The following VRK1 variants were observed in gnomAD, a reference collection of about 807,000 sequenced individuals.
VRK1 encodes the protein serine/threonine-protein kinase VRK1.
A neutral mutation model predicts 57.1 loss-of-function variants in VRK1; 33 were observed. The ratio of observed to expected loss-of-function variants is 0.58; its 90% confidence interval spans 0.44 to 0.77. The LOEUF is 0.77. Ranked by LOEUF, VRK1 falls within the 30% of genes least tolerant of loss-of-function variation. The pLI is 0.00. For missense variants in VRK1, 413 were observed against 477.3 expected (o/e 0.87, Z 1.25); for synonymous variants, 137 against 147.8 (o/e 0.93, Z 0.53).
chr14:96,824,468 T>C (rs1323099056), intron 1 of VRK1, among the ~76,000 whole-genome samples: 1 of 152,088 alleles, frequency 6.6e-6, no homozygotes, highest in Admixed American at 6.6e-5. Context: ...TTTCATAGCA[T>C]GGAAGTCACT....
chr14:96,821,969 CT>C (rs71103554), intron 1 of VRK1, among the ~76,000 whole-genome samples: 6,902 of 142,816 alleles, frequency 0.048, 460 homozygotes, highest in African/African-American at 0.15. Context: ...GATTCTCTCA[CT>C]TTTTTTTTTT....
intron 1 of VRK1, among the ~76,000 whole-genome samples, chr14:96,806,241 A>T (rs1219069178): frequency 1.3e-5 from 2 of 152,232 alleles, no homozygotes; most frequent in East Asian, 3.9e-4. Context: ...TTTCACGCCT[A>T]TGGATAAAAG....
chr14:96,818,361 T>A (rs1292996874), intron 1 of VRK1, among the ~76,000 whole-genome samples: 1 of 152,220 alleles, frequency 6.6e-6, no homozygotes, highest in Non-Finnish European at 1.5e-5. Context: ...ACTTTTCTAA[T>A]ACAAGTAAAA....
At position 96,846,157 on chromosome 14, in the gene VRK1, A is replaced by T. The variant is rs765294511; in HGVS notation, c.279A>T (p.Pro93=). 1.9e-6 allele frequency: 3 copies of T among 1,613,270 alleles called. No individual in the cohort carries two copies. The highest frequency in any genetic ancestry group is 1.7e-6 in the Non-Finnish European group (2 of 1,179,510). Residue 93 remains proline (P), a synonymous_variant, in exon 4 of 13, where the codon CCA becomes CCT. Coordinates refer to ENST00000216639, the MANE Select transcript of VRK1 (RefSeq NM_003384.3). ...ELKFYQRAAK[P]EQIQKWIRTR... ...AGTTCTACCAACGAGCTGCAAAACCAGAGCAAAGTAAGAAATACAGTACAC... is the reference window on the plus strand; with the variant it reads ...AGTTCTACCAACGAGCTGCAAAACCTGAGCAAAGTAAGAAATACAGTACAC...
At chr14:96,829,405 G>C (rs1372648331) in intron 1 of VRK1, among the ~76,000 whole-genome samples, 1 of 152,140 alleles carries the variant, frequency 6.6e-6, no homozygotes, top group East Asian at 1.9e-4. Flanking sequence ...TTTGCTGCTG[G>C]GTTGATTATT....
chr14:96,802,394 A>G (rs116014141), intron 1 of VRK1, among the ~76,000 whole-genome samples: 1,570 of 152,330 alleles, frequency 0.01, 29 homozygotes, highest in African/African-American at 0.036. Flanking sequence ...ATAAAATGTG[A>G]TAGTCTTGCG....
Position 96,860,690 on chromosome 14 carries a change from C to CA in VRK1, c.1024dup (p.Ser342LysfsTer22). On this transcript the variant is annotated frameshift_variant, in exon 11 of 13. Transcript: ENST00000216639. LOFTEE classifies it high-confidence loss of function. The stretch of plus-strand genomic sequence containing the variant: ...GTAAGGATGATGGCAAATTGGACCT[C>CA]AGTGTTGTGGAGAATGGAGGTTTGA... 1 of 1,613,270 alleles carries CA rather than the reference C, an allele frequency of 6.2e-7. No homozygotes were observed. Among genetic ancestry groups the CA allele is most frequent in the Non-Finnish European group, 8.5e-7 (1 of 1,179,518 alleles).
chr14:96,860,512 G>T (rs1888342200), intron 10 of VRK1, 45 bp from the exon 11 acceptor site: 2 of 1,557,548 alleles, frequency 1.3e-6, no homozygotes, highest in African/African-American at 1.4e-5. Context: ...AGAGGTTAGA[G>T]AGAAATATAT....
In VRK1 at chr14:96,881,572, G is replaced by A. The variant is rs1193321135; in HGVS notation, c.*364G>A. The stretch of plus-strand genomic sequence containing the variant: ...GTCCTCACTTTTAAGGAAATGCAAA[G>A]CTTAAAATAAAACTCTCTTTTGTTT... On this transcript the variant is annotated 3_prime_UTR_variant, in exon 13 of 13. Transcript: ENST00000216639. The A allele has an allele frequency of 5.5e-6, 1 of 181,290 alleles. No individual in the cohort carries two copies. Among genetic ancestry groups the A allele is most frequent in the Non-Finnish European group, 1.2e-5 (1 of 86,790 alleles). 11.2% of individuals were successfully genotyped at this position (181,290 alleles called of 1,614,324 possible).
At chr14:96,843,499 G>A (rs746389475) in intron 3 of VRK1, among the ~76,000 whole-genome samples, 6 of 152,166 alleles carry the variant, frequency 3.9e-5, no homozygotes, top group Non-Finnish European at 8.8e-5. Flanking sequence ...TTTTTTGGTA[G>A]GAAGGAGAAA....
intron 3 of VRK1, among the ~76,000 whole-genome samples, chr14:96,843,836 G>T (rs2139774178): frequency 6.6e-6 from 1 of 152,320 alleles, no homozygotes; most frequent in Admixed American, 6.5e-5. Context: ...GATAATGGAA[G>T]TTTATTGGAT....
At chr14:96,826,958 A>G (rs1273336016) in intron 1 of VRK1, among the ~76,000 whole-genome samples, 2 of 152,186 alleles carry the variant, frequency 1.3e-5, no homozygotes, top group Admixed American at 6.5e-5. Context: ...AAGGTCAAAC[A>G]GGGTATGGGA....
intron 5 of VRK1, 56 bp from the exon 6 acceptor site, chr14:96,852,775 A>G (rs1194543160): frequency 7.4e-7 from 1 of 1,344,512 alleles, no homozygotes; most frequent in Non-Finnish European, 1.1e-6. Context: ...TACTCATTAC[A>G]AAGTTGGTTT....
At chr14:96,845,514 G>T (rs1162810387) in intron 3 of VRK1, among the ~76,000 whole-genome samples, 3 of 152,144 alleles carry the variant, frequency 2.0e-5, no homozygotes, top group African/African-American at 7.2e-5. Context: ...CCCCATGTTT[G>T]GTTTGACAAA....
At chr14:96,798,224 C>T (rs1012272490) in intron 1 of VRK1, among the ~76,000 whole-genome samples, 5 of 152,334 alleles carry the variant, frequency 3.3e-5, no homozygotes, top group African/African-American at 1.2e-4. Context: ...CCTTACCTGG[C>T]AGGGTGGCAT....
intron 1 of VRK1, among the ~76,000 whole-genome samples, chr14:96,827,036 G>A (rs1339800457): frequency 2.0e-5 from 3 of 152,068 alleles, no homozygotes; most frequent in Non-Finnish European, 4.4e-5. Context: ...TCTAAAGAAA[G>A]GGGCACACCC....
At chr14:96,835,096 T>C (rs1263476780) in intron 2 of VRK1, among the ~76,000 whole-genome samples, 1 of 152,208 alleles carries the variant, frequency 6.6e-6, no homozygotes, top group African/African-American at 2.4e-5. Context: ...ATTTGACCTC[T>C]GTAATAAAAC....
At chr14:96,839,341 G>C (rs1887360236) in intron 3 of VRK1, among the ~76,000 whole-genome samples, 1 of 151,018 alleles carries the variant, frequency 6.6e-6, no homozygotes, top group African/African-American at 2.4e-5. Flanking sequence ...TATGGAGACA[G>C]GTTTTTATTT....
intron 1 of VRK1, among the ~76,000 whole-genome samples, chr14:96,827,346 C>T (rs1886838390): frequency 6.6e-6 from 1 of 152,114 alleles, no homozygotes; most frequent in Non-Finnish European, 1.5e-5. Flanking sequence ...TACTGCAAGA[C>T]TTAGCAGAGA....
Sources: allele counts gnomAD v4.1 joint callset (sites outside exome capture counted in the v4.1 genomes callset), GRCh38; gene constraint gnomAD v4.1.1; transcripts MANE v1.5; gene names NCBI Gene and HGNC (gene_info 2026-07-23, HGNC 2026-07-21).